CD47: variants seen among roughly 807,000 people sequenced by gnomAD.
CD47 encodes the protein leukocyte surface antigen CD47.
Under a neutral mutation model 44.6 loss-of-function variants are expected in CD47, and 11 were observed. The ratio of observed to expected loss-of-function variants is 0.25; its 90% confidence interval spans 0.16 to 0.41. The LOEUF (loss-of-function observed/expected upper bound fraction) is 0.41, where lower values mean the gene tolerates loss of function less well. Among genes scored for constraint, CD47 ranks in the 10% least tolerant of loss-of-function variants. The pLI is 1.00. For missense variants in CD47, 306 were observed against 386.7 expected (o/e 0.79, Z 1.75); for synonymous variants, 140 against 136.3 (o/e 1.03, Z -0.19).
intron 1 of CD47, among the ~76,000 whole-genome samples, chr3:108,088,162 C>T (rs902265610): frequency 1.3e-5 from 2 of 152,158 alleles, no homozygotes; most frequent in African/African-American, 2.4e-5. Flanking sequence ...ACAAAAAGAA[C>T]ATTACTATAT....
At chr3:108,077,769 C>T (rs2079336897) in intron 2 of CD47, among the ~76,000 whole-genome samples, 1 of 152,042 alleles carries the variant, frequency 6.6e-6, no homozygotes, top group African/African-American at 2.4e-5. Context: ...GGATAGATCT[C>T]AAGGGCATTG....
chr3:108,062,447 A>G (rs2079030638), intron 3 of CD47, among the ~76,000 whole-genome samples: 2 of 152,136 alleles, frequency 1.3e-5, no homozygotes, highest in Admixed American at 1.3e-4. Context: ...AAAGTTCTGC[A>G]AAGGGTTATA....
At chr3:108,075,811 A>G (rs1250471352) in intron 2 of CD47, among the ~76,000 whole-genome samples, 1 of 152,190 alleles carries the variant, frequency 6.6e-6, no homozygotes, top group East Asian at 1.9e-4. Context: ...GACCTAACCA[A>G]GTGGTCTCTT....
intron 1 of CD47, among the ~76,000 whole-genome samples, chr3:108,089,450 T>C (rs1206078447): frequency 6.6e-6 from 1 of 152,198 alleles, no homozygotes; most frequent in Non-Finnish European, 1.5e-5. Flanking sequence ...GGTTTATACT[T>C]TTTACTTTTT....
At chr3:108,055,817 G>A (rs1189820858) in intron 7 of CD47, among the ~76,000 whole-genome samples, 1 of 152,150 alleles carries the variant, frequency 6.6e-6, no homozygotes, top group African/African-American at 2.4e-5. Flanking sequence ...GAACGTAAGT[G>A]ATGGAGAAGG....
At chr3:108,059,405 T>C (rs756111874) in intron 5 of CD47, 47 bp downstream of exon 5, 26 of 962,932 alleles carry the variant, frequency 2.7e-5, no homozygotes, top group African/African-American at 1.2e-4. Flanking sequence ...TGCTGTTTTG[T>C]AAATGAAAAA....
At chr3:108,058,269 A>G in intron 6 of CD47, 68 bp downstream of exon 6, 1 of 899,220 alleles carries the variant, frequency 1.1e-6, no homozygotes, top group African/African-American at 1.8e-5. Flanking sequence ...AGAGAAAGAA[A>G]AAGAAAAAGG....
intron 9 of CD47, 51 bp downstream of exon 9, chr3:108,050,527 C>A (rs1274220302): frequency 2.4e-6 from 2 of 847,774 alleles, no homozygotes; most frequent in African/African-American, 3.6e-5. Flanking sequence ...GTTTTGCGGG[C>A]CAGATCAAAT....
intron 7 of CD47, chr3:108,055,515 T>C (rs1041169722): frequency 2.3e-6 from 3 of 1,298,606 alleles, no homozygotes; most frequent in Non-Finnish European, 3.1e-6. Context: ...GCAACTTTCC[T>C]GTACCTTGTC....
chr3:108,084,462 G>A (rs2079479390), intron 1 of CD47, among the ~76,000 whole-genome samples: 2 of 151,896 alleles, frequency 1.3e-5, no homozygotes. Flanking sequence ...GTGTCCCTAA[G>A]GGCTTCAGAT....
intron 7 of CD47, 122 bp downstream of exon 7, chr3:108,057,355 G>A (rs375570120): frequency 2.5e-5 from 14 of 556,256 alleles, no homozygotes; most frequent in East Asian, 6.3e-5. Context: ...AATTATCCTC[G>A]AATCACTCCA....
intron 2 of CD47, among the ~76,000 whole-genome samples, chr3:108,077,777 T>C (rs2079337181): frequency 6.6e-6 from 1 of 152,118 alleles, no homozygotes; most frequent in African/African-American, 2.4e-5. Context: ...CTCAAGGGCA[T>C]TGTGCTTAGT....
At chr3:108,072,388 T>TA (rs887423485) in intron 2 of CD47, among the ~76,000 whole-genome samples, 1 of 152,220 alleles carries the variant, frequency 6.6e-6, no homozygotes, top group African/African-American at 2.4e-5. Flanking sequence ...TATAATGCTA[T>TA]AATAAGTCCT....
rs2078672005 is a variant in CD47, at chr3:108,043,905, CT to C, written c.*3382del. ...CTCTTCAAAGTTACCTGGATTATCC[CT>C]ATTAGTCACTGAAAATGACCTAACA... On this transcript the variant is annotated 3_prime_UTR_variant, in exon 11 of 11. Coordinates refer to ENST00000361309, the MANE Select transcript of CD47 (RefSeq NM_001777.4). The C allele has an allele frequency of 2.0e-5, 3 of 152,568 alleles. No individual in the cohort carries two copies. Among genetic ancestry groups the C allele is most frequent in the Admixed American group, 2.0e-4 (3 of 15,274 alleles). 9.5% of individuals were successfully genotyped at this position (152,568 alleles called of 1,614,324 possible). A position where few individuals can be genotyped will look rare whatever the true frequency, so the allele number is the denominator to read the frequency against.
intron 3 of CD47, among the ~76,000 whole-genome samples, chr3:108,066,736 G>T (rs1372308764): frequency 6.6e-6 from 1 of 152,176 alleles, no homozygotes; most frequent in Non-Finnish European, 1.5e-5. Context: ...GACCATAAAT[G>T]GAGTAAGAGA....
At chr3:108,049,732 G>T in intron 9 of CD47, 81 bp from the exon 10 acceptor site, 1 of 943,658 alleles carries the variant, frequency 1.1e-6, no homozygotes, top group Non-Finnish European at 1.7e-6. Context: ...AATATGCAAT[G>T]ATATGCTAAC....
chr3:108,066,020 A>C (rs1308120168), intron 3 of CD47, among the ~76,000 whole-genome samples: 2 of 152,082 alleles, frequency 1.3e-5, no homozygotes, highest in South Asian at 4.1e-4. Flanking sequence ...TCTATGAAGA[A>C]ATTTCCTGTT....
chr3:108,075,445 TACAC>T, intron 2 of CD47, among the ~76,000 whole-genome samples: 1 of 150,950 alleles, frequency 6.6e-6, no homozygotes, highest in Non-Finnish European at 1.5e-5. Flanking sequence ...AACACCAGGT[TACAC>T]ACACACACAC....
intron 1 of CD47, among the ~76,000 whole-genome samples, chr3:108,081,827 T>G (rs1332064383): frequency 6.6e-6 from 1 of 151,962 alleles, no homozygotes; most frequent in Non-Finnish European, 1.5e-5. Flanking sequence ...TCTGGCATTT[T>G]AATGTAATGA....
Sources: gnomAD v4.1 joint callset for allele counts (sites outside exome capture counted in the v4.1 genomes callset) on GRCh38, gnomAD v4.1.1 for gene constraint, MANE v1.5 for transcripts, NCBI Gene and HGNC (gene_info 2026-07-23, HGNC 2026-07-21) for gene names.